The following SLC25A12 variants were observed in gnomAD, a reference collection of about 807,000 sequenced individuals.
The protein encoded by SLC25A12 is electrogenic aspartate/glutamate antiporter SLC25A12, mitochondrial.
Under a neutral mutation model 83.3 loss-of-function variants are expected in SLC25A12, and 32 were observed. The observed-to-expected ratio is 0.38, with a 90% CI of 0.29 to 0.52. SLC25A12 has a LOEUF of 0.52. SLC25A12 is among the 20% of genes least tolerant of loss of function. SLC25A12 has a pLI of 0.84. For missense variants in SLC25A12, 611 were observed against 835.6 expected (o/e 0.73, Z 3.31); for synonymous variants, 267 against 291.1 (o/e 0.92, Z 0.84).
chr2:171,798,175 TATATC>T lies in SLC25A12; in HGVS notation c.1306-4413_1306-4409del, dbSNP rs375640566. Among the ~76,000 whole-genome samples, 69 of 152,328 alleles carry T rather than the reference TATATC, an allele frequency of 4.5e-4. 1 individual carries two copies. Among genetic ancestry groups the T allele is most frequent in the African/African-American group, 1.5e-3 (62 of 41,566 alleles). On this transcript the variant is annotated intron_variant, in intron 13 of 17. Transcript: ENST00000422440. ...AGAATAAAAAACTTCCATTTAATCT[TATATC>T]ATATGAATTTTTTAATGAGAAAATC... is the stretch of plus-strand genomic sequence containing the variant.
intron 2 of SLC25A12, among the ~76,000 whole-genome samples, chr2:171,880,993 TA>T (rs1242505830): frequency 6.6e-6 from 1 of 152,236 alleles, no homozygotes; most frequent in African/African-American, 2.4e-5. Flanking sequence ...ATGGGAATAC[TA>T]ATCGTTCCTA....
chr2:171,827,426 G>C (rs1684326173), intron 8 of SLC25A12, among the ~76,000 whole-genome samples: 1 of 152,124 alleles, frequency 6.6e-6, no homozygotes, highest in South Asian at 2.1e-4. Context: ...CATGGGCCAA[G>C]TCTTCATTTG....
chr2:171,794,317 A>AT (rs1478870856), intron 13 of SLC25A12, among the ~76,000 whole-genome samples: 1 of 152,178 alleles, frequency 6.6e-6, no homozygotes, highest in Non-Finnish European at 1.5e-5. Context: ...TCCAGTTCCA[A>AT]TTCTAAAATG....
At chr2:171,836,312 T>C (rs972480311) in intron 6 of SLC25A12, among the ~76,000 whole-genome samples, 8 of 152,126 alleles carry the variant, frequency 5.3e-5, no homozygotes, top group African/African-American at 1.9e-4. Flanking sequence ...CTCATTGGCT[T>C]CCCTCCATTC....
At chr2:171,793,605 A>C (rs1683533921) in intron 14 of SLC25A12, 22 bp downstream of exon 14, 1 of 1,612,340 alleles carries the variant, frequency 6.2e-7, no homozygotes, top group Admixed American at 1.7e-5. Context: ...TATTGAGTAC[A>C]TTATAACCTA....
At chr2:171,797,515 T>G (rs751799537) in intron 13 of SLC25A12, among the ~76,000 whole-genome samples, 6 of 152,220 alleles carry the variant, frequency 3.9e-5, no homozygotes, top group Non-Finnish European at 8.8e-5. Context: ...ATTGTACCTT[T>G]TAAATTTCAA....
At chr2:171,819,996 A>C (rs1684149537) in intron 9 of SLC25A12, among the ~76,000 whole-genome samples, 1 of 152,202 alleles carries the variant, frequency 6.6e-6, no homozygotes, top group Admixed American at 6.5e-5. Flanking sequence ...GTATGTTCTC[A>C]CTTATAAGTG....
intron 2 of SLC25A12, among the ~76,000 whole-genome samples, chr2:171,870,652 G>T (rs1685439302): frequency 6.6e-6 from 1 of 151,926 alleles, no homozygotes; most frequent in Non-Finnish European, 1.5e-5. Flanking sequence ...TATACTGACA[G>T]GAATGTGAGA....
chr2:171,844,304 A>C, intron 5 of SLC25A12, 65 bp downstream of exon 5: 1 of 1,528,604 alleles, frequency 6.5e-7, no homozygotes, highest in Non-Finnish European at 9.0e-7. Flanking sequence ...TAAACTTAAT[A>C]AATACAAAGC....
At chr2:171,801,092 T>C (rs1683700370) in intron 13 of SLC25A12, among the ~76,000 whole-genome samples, 1 of 152,168 alleles carries the variant, frequency 6.6e-6, no homozygotes, top group East Asian at 1.9e-4. Flanking sequence ...ATGTTAATTA[T>C]ACCTAAAAAA....
Position 171,894,218 on chromosome 2 carries a change from G to A in SLC25A12, c.-4C>T. 13 of 1,609,184 alleles carry A rather than the reference G, an allele frequency of 8.1e-6. No homozygotes were observed. The highest frequency in any genetic ancestry group is 1.3e-5 in the African/African-American group (1 of 74,886). ...TTGGAGTCACCTTGACCGCCATGCT[G>A]TGCTCGGAAGCCGGGGACGAGCGAG... On this transcript the variant is annotated 5_prime_UTR_variant, in exon 1 of 18. Transcript: ENST00000422440.
At chr2:171,860,346 T>G (rs968130515) in intron 3 of SLC25A12, among the ~76,000 whole-genome samples, 9 of 151,286 alleles carry the variant, frequency 5.9e-5, no homozygotes, top group African/African-American at 1.9e-4. Context: ...TTCGGGAGGC[T>G]GAGGCGGGTG....
At position 171,784,886 on chromosome 2, in the gene SLC25A12, C is replaced by G. The variant is rs975637545; in HGVS notation, c.*388G>C. The G allele has an allele frequency of 4.7e-6, 1 of 211,278 alleles. No individual in the cohort carries two copies. Among genetic ancestry groups the G allele is most frequent in the Admixed American group, 5.2e-5 (1 of 19,214 alleles). The allele number at this position is 211,278 out of a possible 1,614,324, so 13.1% of individuals were successfully genotyped here. On this transcript the variant is annotated 3_prime_UTR_variant, in exon 18 of 18. Transcript: ENST00000422440. ...CTTAATAAAACACTTTCAAAACATTCTGTACATTTCAAGCCACTCAGAACC... is the reference window on the plus strand; with the variant it reads ...CTTAATAAAACACTTTCAAAACATTGTGTACATTTCAAGCCACTCAGAACC...
intron 15 of SLC25A12, chr2:171,788,624 A>G (rs982975902): frequency 6.6e-6 from 1 of 152,596 alleles, no homozygotes; most frequent in East Asian, 1.9e-4. Flanking sequence ...GCAGGACACA[A>G]AAGATGGATT....
chr2:171,879,093 G>A (rs1685635007), intron 2 of SLC25A12, among the ~76,000 whole-genome samples: 1 of 151,966 alleles, frequency 6.6e-6, no homozygotes, highest in South Asian at 2.1e-4. Context: ...AAATACATAT[G>A]GCCAGTTTGA....
chr2:171,819,351 A>G (rs1164563863), intron 9 of SLC25A12, among the ~76,000 whole-genome samples: 3 of 107,616 alleles, frequency 2.8e-5, no homozygotes, highest in Non-Finnish European at 5.5e-5. Flanking sequence ...ATTATTATAT[A>G]TGTATTTATA....
rs555515765 is a variant in SLC25A12, at chr2:171,873,148, T to C, written c.67-4325A>G. ...GAACAGGGAGACTGGTAAGTGGCTATTACAAAGATACAGGGGAGGGCCGGA... is the reference window on the plus strand; with the variant it reads ...GAACAGGGAGACTGGTAAGTGGCTACTACAAAGATACAGGGGAGGGCCGGA... On this transcript the variant is annotated intron_variant, in intron 2 of 17. Coordinates refer to ENST00000422440, the MANE Select transcript of SLC25A12 (RefSeq NM_003705.5). Among the ~76,000 whole-genome samples the C allele has an allele frequency of 1.1e-4, 17 of 152,250 alleles. 1 individual carries two copies. The South Asian group carries it at 1.4e-3, about 13-fold the overall frequency.
intron 11 of SLC25A12, among the ~76,000 whole-genome samples, 175 bp downstream of exon 11, chr2:171,813,164 T>G (rs1673695233): frequency 6.6e-6 from 1 of 151,954 alleles, no homozygotes; most frequent in African/African-American, 2.4e-5. Flanking sequence ...AGATTAATAT[T>G]GCTAATCACC....
intron 2 of SLC25A12, among the ~76,000 whole-genome samples, chr2:171,890,701 T>G (rs1432579350): frequency 6.6e-6 from 1 of 152,174 alleles, no homozygotes; most frequent in Admixed American, 6.5e-5. Context: ...CAGGTTGGTC[T>G]TGAACTCCTG....
Sources: allele counts gnomAD v4.1 joint callset (sites outside exome capture counted in the v4.1 genomes callset), GRCh38; gene constraint gnomAD v4.1.1; transcripts MANE v1.5; gene names NCBI Gene and HGNC (gene_info 2026-07-23, HGNC 2026-07-21).